Variants in MDGA2 observed in about 807,000 individuals in gnomAD.
The protein encoded by MDGA2 is MAM domain-containing glycosylphosphatidylinositol anchor protein 2.
Under a neutral mutation model 117.8 loss-of-function variants are expected in MDGA2, and 40 were observed. That is an observed-to-expected ratio of 0.34 (90% CI 0.26 to 0.44). The LOEUF (loss-of-function observed/expected upper bound fraction) is 0.44, where lower values mean the gene tolerates loss of function less well. MDGA2 is among the 20% of genes least tolerant of loss of function. MDGA2 has a pLI of 1.00. For missense variants in MDGA2, 1,123 were observed against 1,250.6 expected, an observed-to-expected ratio of 0.90 and a Z score of 1.54; for synonymous variants, 452 against 439.0, an observed-to-expected ratio of 1.03 and a Z score of -0.37.
At chr14:46,908,934 G>C (rs903419193) in intron 10 of MDGA2, among the ~76,000 whole-genome samples, 18 of 152,150 alleles carry the variant, frequency 1.2e-4, no homozygotes, top group African/African-American at 3.9e-4. Context: ...GAAATGTAAA[G>C]ATCAGCTTCT....
intron 3 of MDGA2, among the ~76,000 whole-genome samples, chr14:47,209,060 T>A (rs576196883): frequency 4.2e-4 from 64 of 152,220 alleles, no homozygotes; most frequent in South Asian, 1.5e-3. Flanking sequence ...CCTTTTTTTT[T>A]AAATTCCTTA....
chr14:47,456,024 A>T lies in MDGA2; in HGVS notation c.281-154474T>A, dbSNP rs182688293. 7.5e-3 allele frequency among the ~76,000 whole-genome samples: 1,137 copies of T among 151,994 alleles called. 8 individuals are homozygous for T. Among genetic ancestry groups the T allele is most frequent in the African/African-American group, 0.026 (1,063 of 41,480 alleles). On this transcript the variant is annotated intron_variant, in intron 1 of 16. Coordinates refer to ENST00000399232, the MANE Select transcript of MDGA2 (RefSeq NM_001113498.3). Reference sequence around the variant, plus strand: ...AAAATAAAGTAAAATAAAATAAAATAAAATAAAAATTAAAATAAAGAAAGA... The same window carrying T: ...AAAATAAAGTAAAATAAAATAAAATTAAATAAAAATTAAAATAAAGAAAGA...
intron 7 of MDGA2, among the ~76,000 whole-genome samples, chr14:47,038,509 T>C (rs931329935): frequency 1.3e-5 from 2 of 152,160 alleles, no homozygotes; most frequent in African/African-American, 4.8e-5. Flanking sequence ...TTAGATAAAC[T>C]TTCCTCCCTG....
At chr14:46,846,916 A>G (rs1448834022) in intron 15 of MDGA2, among the ~76,000 whole-genome samples, 1 of 152,116 alleles carries the variant, frequency 6.6e-6, no homozygotes, top group East Asian at 1.9e-4. Context: ...TCATCACAAC[A>G]AATCTGACAA....
chr14:47,008,990 A>T (rs1303723578), intron 8 of MDGA2, among the ~76,000 whole-genome samples: 1 of 151,994 alleles, frequency 6.6e-6, no homozygotes, highest in Non-Finnish European at 1.5e-5. Flanking sequence ...GCATGGAAGT[A>T]CAAGAAAATA....
intron 1 of MDGA2, among the ~76,000 whole-genome samples, chr14:47,557,363 G>C (rs188221772): frequency 6.6e-6 from 1 of 152,114 alleles, no homozygotes; most frequent in Non-Finnish European, 1.5e-5. Context: ...AAATTGGTGT[G>C]TCATTTTATC....
chr14:47,356,656 G>A (rs1270242716), intron 1 of MDGA2, among the ~76,000 whole-genome samples: 1 of 152,090 alleles, frequency 6.6e-6, no homozygotes, highest in Non-Finnish European at 1.5e-5. Context: ...TGGGTTGTGT[G>A]GACCTCACCC....
intron 1 of MDGA2, among the ~76,000 whole-genome samples, chr14:47,646,479 G>A (rs1379578134): frequency 6.6e-6 from 1 of 152,116 alleles, no homozygotes; most frequent in East Asian, 1.9e-4. Flanking sequence ...GCATGCTTCA[G>A]AGTCTTTCTT....
At chr14:47,005,930 T>C (rs1887694260) in intron 8 of MDGA2, among the ~76,000 whole-genome samples, 1 of 151,686 alleles carries the variant, frequency 6.6e-6, no homozygotes, top group Non-Finnish European at 1.5e-5. Context: ...AACTGTATTA[T>C]AATATTCTGC....
intron 1 of MDGA2, among the ~76,000 whole-genome samples, chr14:47,475,402 C>G (rs1158093666): frequency 1.3e-5 from 2 of 152,090 alleles, no homozygotes; most frequent in Admixed American, 1.3e-4. Flanking sequence ...TCAACCATTA[C>G]AGAAGACAGT....
intron 2 of MDGA2, among the ~76,000 whole-genome samples, chr14:47,226,821 T>C (rs1158673275): frequency 2.0e-5 from 3 of 152,230 alleles, no homozygotes; most frequent in Admixed American, 1.3e-4. Context: ...ACAACAAGCT[T>C]AGAAGGTAAG....
At chr14:47,381,160 G>A (rs557150758) in intron 1 of MDGA2, among the ~76,000 whole-genome samples, 1 of 152,186 alleles carries the variant, frequency 6.6e-6, no homozygotes, top group East Asian at 1.9e-4. Context: ...AAATTCAACA[G>A]CCCTTCAAGC....
chr14:46,983,191 C>T (rs12890565), intron 8 of MDGA2, among the ~76,000 whole-genome samples: 104,417 of 151,996 alleles, frequency 0.69, 37,139 homozygotes, highest in African/African-American at 0.83. Flanking sequence ...AAGAAATATT[C>T]TAAATTACAT....
intron 1 of MDGA2, among the ~76,000 whole-genome samples, chr14:47,543,317 T>G (rs1467313020): frequency 6.6e-6 from 1 of 152,106 alleles, no homozygotes; most frequent in African/African-American, 2.4e-5. Flanking sequence ...AGAAAAATAT[T>G]TAAAAAATGC....
intron 1 of MDGA2, among the ~76,000 whole-genome samples, chr14:47,381,162 C>A (rs573879248): frequency 1.3e-5 from 2 of 152,132 alleles, no homozygotes; most frequent in East Asian, 3.9e-4. Context: ...ATTCAACAGC[C>A]CTTCAAGCTA....
intron 8 of MDGA2, among the ~76,000 whole-genome samples, chr14:46,987,755 G>A (rs557547178): frequency 2.1e-4 from 32 of 152,040 alleles, no homozygotes; most frequent in African/African-American, 7.2e-4. Flanking sequence ...CAACTACTAT[G>A]TTGCTTCTAT....
intron 1 of MDGA2, among the ~76,000 whole-genome samples, chr14:47,644,478 G>T (rs888022451): frequency 8.5e-5 from 13 of 152,118 alleles, no homozygotes; most frequent in Non-Finnish European, 1.5e-4. Flanking sequence ...AATACCACAT[G>T]ATCTCACTCA....
At chr14:47,297,011 G>C (rs564197322) in intron 2 of MDGA2, among the ~76,000 whole-genome samples, 1 of 152,114 alleles carries the variant, frequency 6.6e-6, no homozygotes, top group African/African-American at 2.4e-5. Context: ...CAATGCAGGG[G>C]TTTCTAATGT....
chr14:47,235,780 T>C (rs894049022), intron 2 of MDGA2, among the ~76,000 whole-genome samples: 1 of 152,126 alleles, frequency 6.6e-6, no homozygotes, highest in Non-Finnish European at 1.5e-5. Flanking sequence ...TAATAATAAA[T>C]TATCTGTCTT....
Sources: allele counts gnomAD v4.1 joint callset (sites outside exome capture counted in the v4.1 genomes callset), GRCh38; gene constraint gnomAD v4.1.1; transcripts MANE v1.5; gene names NCBI Gene and HGNC (gene_info 2026-07-23, HGNC 2026-07-21).